Variants in CHID1 observed in about 807,000 individuals in gnomAD.
CHID1 encodes chitinase domain containing 1.
Under a neutral mutation model 55.4 loss-of-function variants are expected in CHID1, and 44 were observed. The ratio of observed to expected loss-of-function variants is 0.79; its 90% CI spans 0.62 to 1.02. CHID1 has a LOEUF of 1.02. Among genes scored for constraint, CHID1 ranks in the 50% least tolerant of loss-of-function variants. The pLI, the probability that CHID1 is intolerant of heterozygous loss-of-function variation, is 0.00. For synonymous variants in CHID1, 216 were observed against 212.9 expected, an observed-to-expected ratio of 1.01 and a Z score of -0.13; for missense variants, 491 against 515.3, an observed-to-expected ratio of 0.95 and a Z score of 0.46.
At chr11:894,133 A>G (rs147002719) in intron 7 of CHID1, among the ~76,000 whole-genome samples, 8,454 of 146,108 alleles carry the variant, frequency 0.058, 200 homozygotes, top group South Asian at 0.12. Flanking sequence ...AAAAAAAAAA[A>G]AAAAAAAAAA....
At chr11:883,095 C>A in intron 10 of CHID1, 53 bp downstream of exon 10, 1 of 1,568,458 alleles carries the variant, frequency 6.4e-7, no homozygotes. Flanking sequence ...TACACCCACA[C>A]CCACCCGCGC....
chr11:899,428 G>A lies in CHID1; in HGVS notation c.547-27C>T. On this transcript the variant is annotated intron_variant, in intron 6 of 12. Transcript: ENST00000323578. ...TGAAAGAAGCAGTCACAGGTGAGGA[G>A]GGCCTGGAGGCCCAGGAGGGATGGG... 3 of 1,580,236 alleles carry A rather than the reference G, an allele frequency of 1.9e-6. No homozygotes were observed. In the East Asian group the frequency reaches 6.8e-5, roughly 36 times the overall value.
intron 1 of CHID1, among the ~76,000 whole-genome samples, chr11:907,526 G>C (rs760334514): frequency 1.3e-5 from 2 of 152,144 alleles, no homozygotes; most frequent in Non-Finnish European, 2.9e-5. Flanking sequence ...CACTGGGGTT[G>C]GGGGCAGCGG....
chr11:887,837 C>T (rs957030117), intron 8 of CHID1, among the ~76,000 whole-genome samples: 5 of 152,264 alleles, frequency 3.3e-5, no homozygotes, highest in Non-Finnish European at 5.9e-5. Flanking sequence ...CCCTCCACCA[C>T]CTCATGGCCT....
At position 899,380 on chromosome 11, in the gene CHID1, C is replaced by A. The variant is rs148078031; in HGVS notation, c.568G>T (p.Val190Leu). The A allele has an allele frequency of 1.2e-6, 2 of 1,604,044 alleles. No individual in the cohort carries two copies. Among genetic ancestry groups the A allele is most frequent in the East Asian group, 2.2e-5 (1 of 44,704 alleles). The change falls in exon 7 of 13, where the codon GTG becomes TTG. Residue 190 changes from valine (V) to leucine (L), a missense_variant. Val to Leu is a conservative substitution (Grantham distance 32). Coordinates refer to ENST00000323578, the MANE Select transcript of CHID1 (RefSeq NM_023947.4). ...AGCAGCTGGTTCCAGACCTCCACCA[C>A]GAAGCCATCGAAATGCTGGTTCTGA... ...VAKNQHFDGF[V>L]VEVWNQLLSQ...
In CHID1 at chr11:903,004, C is replaced by T; in HGVS notation, c.219G>A (p.Arg73=). ...EHRSYCSAKA[R]DRHFAGDVLG... The stretch of plus-strand genomic sequence containing the variant: ...GTACATCCCCAGCAAAGTGTCTGTC[C>T]CGGGCCTTTGCCGAGCAGTAGCTGC... Residue 73 remains arginine, a synonymous_variant, in exon 3 of 13, where the codon CGG becomes CGA. Coordinates refer to ENST00000323578, the MANE Select transcript of CHID1 (RefSeq NM_023947.4). The T allele has an allele frequency of 6.2e-7, 1 of 1,614,058 alleles. No individual in the cohort carries two copies. The highest frequency in any genetic ancestry group is 8.5e-7 in the Non-Finnish European group (1 of 1,180,032).
At chr11:913,778 A>T (rs1170429857), upstream of CHID1, among the ~76,000 whole-genome samples, 1 of 143,110 alleles carries the variant, frequency 7.0e-6, no homozygotes, top group East Asian at 2.1e-4. Flanking sequence ...GTTAAAAAAA[A>T]AAAAGGCCAG....
At chr11:898,151 G>A (rs1317885736) in intron 7 of CHID1, among the ~76,000 whole-genome samples, 1 of 152,200 alleles carries the variant, frequency 6.6e-6, no homozygotes, top group Non-Finnish European at 1.5e-5. Context: ...CCCCTCATGG[G>A]CTCTGCCTCA....
chr11:910,811 G>C (rs1367490156), upstream of CHID1: 5 of 1,108,828 alleles, frequency 4.5e-6, no homozygotes, highest in Non-Finnish European at 4.4e-6. Context: ...ACAAACGCAC[G>C]GCCGGAAAAC....
chr11:892,103 A>G (rs1007362767), intron 8 of CHID1, among the ~76,000 whole-genome samples: 1 of 152,096 alleles, frequency 6.6e-6, no homozygotes, highest in African/African-American at 2.4e-5. Context: ...CGACAGAGTG[A>G]GACTCTATCT....
intron 6 of CHID1, 101 bp downstream of exon 6, chr11:899,903 G>A (rs1344277513): frequency 2.6e-6 from 2 of 777,012 alleles, no homozygotes; most frequent in Admixed American, 4.2e-5. Context: ...CAGGGCAGAA[G>A]ACAGAAAAGC....
chr11:879,013 A>G (rs1849706433), intron 10 of CHID1, among the ~76,000 whole-genome samples: 1 of 151,828 alleles, frequency 6.6e-6, no homozygotes, highest in African/African-American at 2.4e-5. Flanking sequence ...CGCCCGGCTA[A>G]TTTTTTGTAT....
At chr11:877,654 G>A (rs1849604492) in intron 10 of CHID1, among the ~76,000 whole-genome samples, 1 of 152,162 alleles carries the variant, frequency 6.6e-6, no homozygotes, top group South Asian at 2.1e-4. Context: ...AAATCCACAG[G>A]GTGAAGTGTG....
In CHID1 at chr11:884,072, G is replaced by A. The variant is rs1158810657; in HGVS notation, c.799C>T (p.His267Tyr). ...SLMTYDYSTA[H>Y]QPGPNAPLSW... ...GCCCCCCAAGCCCACACTCACTGAT[G>A]CGCTGTAGAGTAGTCGTAGGTCATG... The change falls in exon 9 of 13, where the codon CAT (histidine) becomes TAT (tyrosine). Residue 267 changes from histidine (H) to tyrosine (Y), a missense_variant. Physicochemically the swap from His to Tyr is moderately conservative, Grantham distance 83 (BLOSUM62 2). Transcript: ENST00000323578. 6.2e-7 allele frequency: 1 copy of A among 1,613,268 alleles called. No individual in the cohort carries two copies. The highest frequency in any genetic ancestry group is 8.5e-7 in the Non-Finnish European group (1 of 1,179,214).
upstream of CHID1, chr11:914,303 C>T (rs972837598): frequency 4.4e-5 from 10 of 227,418 alleles, no homozygotes; most frequent in Middle Eastern, 1.5e-3. Context: ...GCCCTCCTTA[C>T]CCGGGGTGGG....
intron 10 of CHID1, chr11:870,848 A>T (rs1437960440): frequency 1.2e-5 from 3 of 254,432 alleles, no homozygotes; most frequent in Non-Finnish European, 2.3e-5. Context: ...CACTCTGTCC[A>T]GACCCCAGGT....
chr11:881,369 C>T (rs568273114), intron 10 of CHID1, among the ~76,000 whole-genome samples: 142 of 150,084 alleles, frequency 9.5e-4, no homozygotes, highest in Middle Eastern at 3.5e-3. Context: ...GAAAGGACCA[C>T]GTCGGGCGGT....
chr11:900,842 G>A (rs566601421), intron 5 of CHID1, 94 bp downstream of exon 5: 673 of 1,034,958 alleles, frequency 6.5e-4, no homozygotes, highest in Non-Finnish European at 8.6e-4. Context: ...CAGCACAGCC[G>A]GGTGATCAGG....
At chr11:873,316 T>A (rs992007388) in intron 10 of CHID1, among the ~76,000 whole-genome samples, 1 of 151,240 alleles carries the variant, frequency 6.6e-6, no homozygotes, top group Admixed American at 6.6e-5. Flanking sequence ...GGGGCCTGAG[T>A]GGCCATCCAG....
Sources: gnomAD v4.1 joint callset for allele counts (sites outside exome capture counted in the v4.1 genomes callset) on GRCh38, gnomAD v4.1.1 for gene constraint, MANE v1.5 for transcripts, NCBI Gene and HGNC (gene_info 2026-07-23, HGNC 2026-07-21) for gene names.